The following KDM2B variants were observed in gnomAD, a reference collection of about 807,000 sequenced individuals.
KDM2B encodes the protein lysine demethylase 2B, also known as lysine-specific demethylase 2B.
KDM2B carries 26 observed loss-of-function variants against 150.0 expected under a neutral mutation model. The ratio of observed to expected loss-of-function variants is 0.17; its 90% CI spans 0.13 to 0.24. KDM2B has a LOEUF of 0.24. Among genes scored for constraint, KDM2B ranks in the 10% least tolerant of loss-of-function variants. KDM2B has a pLI of 1.00. For missense variants in KDM2B, 1,265 were observed against 1,816.9 expected (o/e 0.70, Z 5.52); for synonymous variants, 734 against 729.5 (o/e 1.01, Z -0.10).
Position 121,513,284 on chromosome 12 carries a change from A to G in KDM2B, c.1166T>C (p.Met389Thr), listed in dbSNP as rs782421542. 1.2e-6 allele frequency: 2 copies of G among 1,613,322 alleles called. No homozygotes were observed. Among genetic ancestry groups the G allele is most frequent in the East Asian group, 4.5e-5 (2 of 44,862 alleles). The change falls in exon 10 of 23, where the codon ATG (methionine) becomes ACG (threonine). Residue 389 changes from methionine to threonine, a missense_variant. By Grantham distance (81) the Met-to-Thr change is moderately conservative. This residue lies in a region of KDM2B where 154 missense variants were observed against 162.5 expected (regional missense o/e 0.95). Transcript: ENST00000377071. This position sits in a 1 kb window ranked among gnomAD's most constrained non-coding sequence, Gnocchi z 5.0. ...HLTQEYQRES[M>T]LIDAPRKPSI... Reference sequence around the variant, plus strand: ...CCCTCCGGTTCACTCACCAATAAGCATCGACTCCCTCTGGTATTCCTGAGT... The same window carrying G: ...CCCTCCGGTTCACTCACCAATAAGCGTCGACTCCCTCTGGTATTCCTGAGT...
rs1478506913 is a variant in KDM2B, at chr12:121,450,228, T to C, written c.1959+2892A>G. On this transcript the variant is annotated intron_variant, in intron 13 of 22. Coordinates refer to ENST00000377071, the MANE Select transcript of KDM2B (RefSeq NM_032590.5). ...ACTTGGGAGGCTGAGGTAGGATAATTTCTTGAACCCAGGAGGCAGAAGTTG... is the reference window on the plus strand; with the variant it reads ...ACTTGGGAGGCTGAGGTAGGATAATCTCTTGAACCCAGGAGGCAGAAGTTG... 2.6e-5 allele frequency among the ~76,000 whole-genome samples: 4 copies of C among 151,560 alleles called. No homozygotes were observed. The East Asian group carries it at 5.8e-4, about 22-fold the overall frequency.
At chr12:121,421,760 C>A in the KDM2B span, among the ~76,000 whole-genome samples, 3 of 152,206 alleles carry the variant, frequency 2.0e-5, no homozygotes, top group Non-Finnish European at 4.4e-5. Context: ...CAGACTAGTG[C>A]TGAATTAGGC....
In KDM2B at chr12:121,544,292, T is replaced by A. The variant is rs527748675; in HGVS notation, c.683+4585A>T. 2.0e-5 allele frequency among the ~76,000 whole-genome samples: 3 copies of A among 151,550 alleles called. 1 individual carries two copies. The East Asian group carries it at 5.8e-4, about 30-fold the overall frequency. On this transcript the variant is annotated intron_variant, in intron 6 of 22. Coordinates refer to ENST00000377071, the MANE Select transcript of KDM2B (RefSeq NM_032590.5). The stretch of plus-strand genomic sequence containing the variant: ...CTGGGCAACAAAGCAAGACTCTGTC[T>A]CCAAAAAATAAAAAACAAATAAACA...
At position 121,442,871 on chromosome 12, in the gene KDM2B, G is replaced by A. The variant is rs1555288949; in HGVS notation, c.2605-35C>T. The A allele has an allele frequency of 6.6e-7, 1 of 1,524,074 alleles. No homozygotes were observed. Among genetic ancestry groups the A allele is most frequent in the East Asian group, 2.3e-5 (1 of 43,208 alleles). 94.4% of individuals were successfully genotyped at this position (1,524,074 alleles called of 1,614,324 possible). On this transcript the variant is annotated intron_variant, in intron 18 of 22. Coordinates refer to ENST00000377071, the MANE Select transcript of KDM2B (RefSeq NM_032590.5). This position sits in a 1 kb window ranked among gnomAD's most constrained non-coding sequence, Gnocchi z 7.7. The stretch of plus-strand genomic sequence containing the variant: ...AGAGCGGAGACGCGTCAGCCTCTGG[G>A]GCTCAGGGCTGCGCCCGCCCAAGGC...
At chr12:121,551,932 T>C (rs116187729) in intron 4 of KDM2B, among the ~76,000 whole-genome samples, 3,017 of 152,276 alleles carry the variant, frequency 0.02, 92 homozygotes, top group African/African-American at 0.069. Context: ...AGTAACACCT[T>C]AAGTATGTAA....
intron 4 of KDM2B, among the ~76,000 whole-genome samples, chr12:121,561,101 A>C (rs1474585967): frequency 6.6e-6 from 1 of 150,654 alleles, no homozygotes; most frequent in Non-Finnish European, 1.5e-5. Context: ...ACACACATCC[A>C]ACAGGTTCCA....
At position 121,494,647 on chromosome 12, in the gene KDM2B, C is replaced by T. The variant is rs376773966; in HGVS notation, c.1666G>A (p.Ala556Thr). The T allele has an allele frequency of 6.8e-5, 109 of 1,612,046 alleles. No homozygotes were observed. In the Middle Eastern group the frequency reaches 8.2e-4, roughly 12 times the overall value. Residue 556 changes from alanine (A) to threonine (T), a missense_variant, in exon 12 of 23, where the codon GCA becomes ACA. Physicochemically the swap from Ala to Thr is moderately conservative, Grantham distance 58 (BLOSUM62 0). This residue lies in a region of KDM2B where 69 missense variants were observed against 85.7 expected (regional missense o/e 0.81). Transcript: ENST00000377071. The part of the protein sequence containing the change: ...EGVKNVLKEH[A>T]DDDPSLAITG... Reference sequence around the variant, plus strand: ...ATGGCCAGACTAGGGTCATCATCTGCGTGCTCCTTCAGGACGTTCTGTGGC... The same window carrying T: ...ATGGCCAGACTAGGGTCATCATCTGTGTGCTCCTTCAGGACGTTCTGTGGC...
Position 121,467,856 on chromosome 12 carries a change from G to A in KDM2B, c.1735-14512C>T, listed in dbSNP as rs1396239323. ...CGGGTTTGCACTCGCTGCAGGACCA[G>A]GACCTGAAGCGCACGAACCCGGGAA... On this transcript the variant is annotated intron_variant, in intron 12 of 22. Transcript: ENST00000377071. The surrounding 1 kb of genome is among the most constrained non-coding windows in gnomAD (Gnocchi z 5.1). The A allele has an allele frequency of 1.3e-5, 2 of 152,378 alleles. No homozygotes were observed. Among genetic ancestry groups the A allele is most frequent in the Non-Finnish European group, 2.9e-5 (2 of 68,182 alleles). 9.4% of individuals were successfully genotyped at this position (152,378 alleles called of 1,614,324 possible).
At chr12:121,427,857 A>G (rs1393126803), downstream of KDM2B, among the ~76,000 whole-genome samples, 2 of 152,212 alleles carry the variant, frequency 1.3e-5, no homozygotes, top group African/African-American at 4.8e-5. Context: ...TTGGCTACTA[A>G]TGAGTGACTA....
intron 22 of KDM2B, among the ~76,000 whole-genome samples, chr12:121,438,602 C>A (rs913710316): frequency 3.9e-5 from 6 of 152,068 alleles, no homozygotes; most frequent in African/African-American, 1.2e-4. Context: ...TGGAACAATC[C>A]CTGCCACCAA....
At chr12:121,450,535 A>G (rs1037023002) in intron 13 of KDM2B, among the ~76,000 whole-genome samples, 2 of 152,130 alleles carry the variant, frequency 1.3e-5, no homozygotes, top group Non-Finnish European at 2.9e-5. Flanking sequence ...GAAAGCCCAT[A>G]ACATAACAGA....
intron 22 of KDM2B, among the ~76,000 whole-genome samples, chr12:121,435,455 G>C (rs1873830647): frequency 6.6e-6 from 1 of 152,206 alleles, no homozygotes; most frequent in African/African-American, 2.4e-5. Flanking sequence ...TGATTTCTCA[G>C]AAATTCCTCT....
At chr12:121,417,830 A>C in the KDM2B span, 3 of 1,614,174 alleles carry the variant, frequency 1.9e-6, no homozygotes, top group Admixed American at 1.7e-5. This position sits in a 1 kb window ranked among gnomAD's most constrained non-coding sequence, Gnocchi z 5.0. Flanking sequence ...CAAACTATAC[A>C]GCCCCCTCTG....
chr12:121,470,117 G>GAA (rs1880612147), intron 12 of KDM2B: 1 of 150,996 alleles, frequency 6.6e-6, no homozygotes, highest in South Asian at 2.1e-4. Context: ...AAAAAGGAGA[G>GAA]AGAGAGAGAT....
intron 12 of KDM2B, among the ~76,000 whole-genome samples, chr12:121,492,846 A>G (rs561239565): frequency 3.2e-4 from 48 of 151,722 alleles, no homozygotes; most frequent in African/African-American, 1.1e-3. Context: ...AAAAGAAAAA[A>G]AAAGAAAAAG....
intron 1 of KDM2B, 93 bp downstream of exon 1, chr12:121,580,693 C>G: frequency 2.1e-6 from 3 of 1,428,638 alleles, no homozygotes; most frequent in Non-Finnish European, 2.8e-6. Context: ...GGGCCTGGCA[C>G]CCCCAAAAAC....
At chr12:121,481,764 TTTGTTTG>T (rs1555297929) in intron 12 of KDM2B, among the ~76,000 whole-genome samples, 1 of 28,968 alleles carries the variant, frequency 3.5e-5, no homozygotes, top group African/African-American at 2.2e-4. Context: ...TAGGGTTTTT[TTTGTTTG>T]TTTGTTTGTT....
downstream of KDM2B, among the ~76,000 whole-genome samples, chr12:121,424,938 G>T (rs1872441173): frequency 6.6e-6 from 1 of 152,130 alleles, no homozygotes; most frequent in African/African-American, 2.4e-5. Flanking sequence ...AAAACCTCAT[G>T]GTTAAAAAGT....
chr12:121,510,583 A>G (rs1434704685), intron 10 of KDM2B, among the ~76,000 whole-genome samples: 1 of 152,162 alleles, frequency 6.6e-6, no homozygotes, highest in Non-Finnish European at 1.5e-5. Context: ...GCTTGAGCCC[A>G]GGAGTTTGAG....
Sources: gnomAD v4.1 joint callset for allele counts (sites outside exome capture counted in the v4.1 genomes callset) on GRCh38, gnomAD v4.1.1 for gene constraint, gnomAD v4.1.1 regional missense constraint, Gnocchi (gnomAD v3.1) non-coding constraint, MANE v1.5 for transcripts, NCBI Gene and HGNC (gene_info 2026-07-23, HGNC 2026-07-21) for gene names.